FGF12: variants seen among roughly 807,000 people sequenced by gnomAD.
FGF12 encodes fibroblast growth factor 12B.
Under a neutral mutation model 23.6 loss-of-function variants are expected in FGF12, and 14 were observed. That is an observed-to-expected ratio of 0.59 (90% CI 0.39 to 0.93). The LOEUF (loss-of-function observed/expected upper bound fraction) is 0.93. FGF12 is among the 40% of genes least tolerant of loss of function. FGF12 has a pLI of 0.00. For synonymous variants in FGF12, 62 were observed against 77.3 expected, an observed-to-expected ratio of 0.80 and a Z score of 1.04; for missense variants, 175 against 217.8, an observed-to-expected ratio of 0.80 and a Z score of 1.24.
intron 3 of FGF12, among the ~76,000 whole-genome samples, chr3:192,346,095 T>C (rs1717946648): frequency 1.3e-5 from 2 of 152,282 alleles, no homozygotes; most frequent in African/African-American, 4.8e-5. Flanking sequence ...TACTATTCTC[T>C]ACTTCAAAAT....
At chr3:192,602,364 T>C (rs1388585177) in intron 2 of FGF12, among the ~76,000 whole-genome samples, 1 of 151,906 alleles carries the variant, frequency 6.6e-6, no homozygotes, top group Non-Finnish European at 1.5e-5. Context: ...AGGTGAGGGG[T>C]ATTTGAGACA....
At chr3:192,619,017 TG>T (rs1714871203) in intron 2 of FGF12, among the ~76,000 whole-genome samples, 1 of 151,802 alleles carries the variant, frequency 6.6e-6, no homozygotes, top group African/African-American at 2.4e-5. Context: ...ATAATATATA[TG>T]TAATATATAC....
intron 2 of FGF12, among the ~76,000 whole-genome samples, chr3:192,371,531 G>A (rs925697218): frequency 1.3e-5 from 2 of 152,232 alleles, no homozygotes; most frequent in Non-Finnish European, 2.9e-5. Context: ...CTATGACTAG[G>A]AAGCCACGCT....
chr3:192,185,775 C>T (rs1053761917), intron 4 of FGF12, among the ~76,000 whole-genome samples: 1 of 151,652 alleles, frequency 6.6e-6, no homozygotes, highest in Non-Finnish European at 1.5e-5. Flanking sequence ...CAGAGAAATG[C>T]TTGAACCCAG....
chr3:192,688,060 C>T (rs543170875), intron 2 of FGF12, among the ~76,000 whole-genome samples: 180 of 152,220 alleles, frequency 1.2e-3, no homozygotes, highest in African/African-American at 3.9e-3. Flanking sequence ...TTCAGCCAGC[C>T]GCCACAGCTG....
intron 4 of FGF12, among the ~76,000 whole-genome samples, chr3:192,214,337 CAG>C (rs1193235385): frequency 4.6e-5 from 7 of 152,232 alleles, no homozygotes; most frequent in Non-Finnish European, 8.8e-5. Flanking sequence ...GAAATAATAA[CAG>C]TGAATCTCTG....
At chr3:192,145,223 A>T (rs1388638741) in intron 5 of FGF12, among the ~76,000 whole-genome samples, 2 of 152,270 alleles carry the variant, frequency 1.3e-5, no homozygotes. Flanking sequence ...CCTTGCATAG[A>T]GCAAGTACCA....
chr3:192,445,661 A>G (rs1167925985), intron 2 of FGF12, among the ~76,000 whole-genome samples: 1 of 152,070 alleles, frequency 6.6e-6, no homozygotes, highest in Non-Finnish European at 1.5e-5. Flanking sequence ...TTCTCTTTCC[A>G]TGGGCTTTCA....
At chr3:192,397,830 C>T (rs539747256) in intron 2 of FGF12, among the ~76,000 whole-genome samples, 5 of 152,068 alleles carry the variant, frequency 3.3e-5, no homozygotes, top group African/African-American at 1.2e-4. Flanking sequence ...TTAAATTCTG[C>T]CCCTGTTTCT....
chr3:192,267,002 G>C (rs1224327956), intron 4 of FGF12: 1 of 152,142 alleles, frequency 6.6e-6, no homozygotes, highest in Non-Finnish European at 1.5e-5. Flanking sequence ...TCTGCTTCAA[G>C]GAACTGATGC....
rs1419027237 is a variant in FGF12, at chr3:192,149,794, T to C, written c.428-5667A>G. Among the ~76,000 whole-genome samples, 3 of 62,834 alleles carry C rather than the reference T, an allele frequency of 4.8e-5. 1 individual carries two copies. The highest frequency in any genetic ancestry group is 4.7e-4 in the Admixed American group (3 of 6,380). 41.2% of individuals were successfully genotyped at this position (62,834 alleles called of 152,430 possible). On this transcript the variant is annotated intron_variant, in intron 5 of 5. Coordinates refer to ENST00000445105, the MANE Select transcript of FGF12 (RefSeq NM_004113.6). ...AAACATATGTCTGCATGTGTCTTTATAGCAGCATGATTTATAGTCATTTGG... is the reference window on the plus strand; with the variant it reads ...AAACATATGTCTGCATGTGTCTTTACAGCAGCATGATTTATAGTCATTTGG...
chr3:192,648,190 A>T (rs1218567753), intron 2 of FGF12, among the ~76,000 whole-genome samples: 1 of 152,116 alleles, frequency 6.6e-6, no homozygotes, highest in Admixed American at 6.6e-5. Context: ...TATTATTGTT[A>T]TTTTTATTAT....
At chr3:192,611,953 G>GTGAGT (rs953762048) in intron 2 of FGF12, among the ~76,000 whole-genome samples, 1 of 151,994 alleles carries the variant, frequency 6.6e-6, no homozygotes, top group Non-Finnish European at 1.5e-5. Flanking sequence ...CTGCACTCAA[G>GTGAGT]TGAGTTGAGG....
intron 2 of FGF12, among the ~76,000 whole-genome samples, chr3:192,501,502 T>C (rs1166221910): frequency 6.6e-6 from 1 of 152,164 alleles, no homozygotes; most frequent in African/African-American, 2.4e-5. Flanking sequence ...TCCATAAGTA[T>C]TGCATTTTGG....
At chr3:192,716,805 T>C (rs989414716) in intron 2 of FGF12, among the ~76,000 whole-genome samples, 3 of 152,224 alleles carry the variant, frequency 2.0e-5, no homozygotes, top group African/African-American at 4.8e-5. Context: ...GATACAGAAA[T>C]ATATCTTACC....
rs1721816837 is a variant in FGF12 at position 192,430,109 on chromosome 3, A to G, written c.14-69571T>C. 3.3e-5 allele frequency among the ~76,000 whole-genome samples: 5 copies of G among 152,252 alleles called. No individual in the cohort carries two copies. In the South Asian group the frequency reaches 1.0e-3, roughly 32 times the overall value. On this transcript the variant is annotated intron_variant, in intron 2 of 5. Transcript: ENST00000445105. ...TAGCAGCATATTCACAATAGCTAAA[A>G]AGTGGAAGCAACTCAATGTCCATTG...
At chr3:192,145,606 A>G (rs1713652624) in intron 5 of FGF12, among the ~76,000 whole-genome samples, 1 of 152,252 alleles carries the variant, frequency 6.6e-6, no homozygotes, top group South Asian at 2.1e-4. Context: ...CAGAAAATAT[A>G]TGAATAAAAT....
At chr3:192,417,133 G>A (rs1398252775) in intron 2 of FGF12, among the ~76,000 whole-genome samples, 1 of 152,042 alleles carries the variant, frequency 6.6e-6, no homozygotes, top group Non-Finnish European at 1.5e-5. Flanking sequence ...GCTGGAAATT[G>A]TCTCCTGGTT....
In FGF12 at chr3:192,512,850, AT is replaced by A. The variant is rs1428963589; in HGVS notation, c.14-152313del. Among the ~76,000 whole-genome samples, 83 of 128,804 alleles carry A rather than the reference AT, an allele frequency of 6.4e-4. 4 individuals carry two copies. In the South Asian group the frequency reaches 0.019, roughly 29 times the overall value. 84.5% of individuals were successfully genotyped at this position (128,804 alleles called of 152,430 possible). The stretch of plus-strand genomic sequence containing the variant: ...TACTCAAATAAATATATATATATAT[AT>A]ATATATATAACAGGCTATGTCTATC... On this transcript the variant is annotated intron_variant, in intron 2 of 5. Coordinates refer to ENST00000445105, the MANE Select transcript of FGF12 (RefSeq NM_004113.6).
Sources: gnomAD v4.1 joint callset for allele counts (sites outside exome capture counted in the v4.1 genomes callset) on GRCh38, gnomAD v4.1.1 for gene constraint, MANE v1.5 for transcripts, NCBI Gene and HGNC (gene_info 2026-07-23, HGNC 2026-07-21) for gene names.